The following SEMA4B variants were observed in gnomAD, a reference collection of about 807,000 sequenced individuals.
SEMA4B encodes semaphorin 4B, also known as semaphorin-4B.
A neutral mutation model predicts 88.1 loss-of-function variants in SEMA4B; 55 were observed. That is an observed-to-expected ratio of 0.62 (90% CI 0.50 to 0.78). SEMA4B has a LOEUF of 0.78. Ranked by LOEUF, SEMA4B falls within the 30% of genes least tolerant of loss-of-function variation. The probability of loss-of-function intolerance (pLI) is 0.00; values close to 1 mark genes in which losing one functional copy is unlikely to be tolerated. For synonymous variants in SEMA4B, 525 were observed against 473.6 expected, an observed-to-expected ratio of 1.11 and a Z score of -1.41; for missense variants, 1,062 against 1,111.9, an observed-to-expected ratio of 0.96 and a Z score of 0.64.
upstream of SEMA4B, among the ~76,000 whole-genome samples, chr15:90,196,635 T>C (rs1960517422): frequency 1.3e-5 from 2 of 151,996 alleles, no homozygotes; most frequent in Admixed American, 6.6e-5. Context: ...TACAGGTGCG[T>C]GCCACCACGC....
In SEMA4B at chr15:90,227,591, A is replaced by G; in HGVS notation, c.1723A>G (p.Lys575Glu). Residue 575 changes from lysine to glutamate, a missense_variant, in exon 13 of 14, where the codon AAG becomes GAG. Physicochemically the swap from Lys to Glu is moderately conservative, Grantham distance 56 (BLOSUM62 1). Coordinates refer to ENST00000411539, the MANE Select transcript of SEMA4B (RefSeq NM_198925.4). Reference protein sequence around the residue: ...WIQDIEGASAKDLCSASSVVS... With the variant: ...WIQDIEGASAEDLCSASSVVS... ...CCAGGACATCGAGGGAGCCAGCGCC[A>G]AGGACCTTTGCAGCGCGTCTTCGGT... is the stretch of plus-strand genomic sequence containing the variant. The G allele has an allele frequency of 6.2e-7, 1 of 1,613,998 alleles. No individual in the cohort carries two copies. The highest frequency in any genetic ancestry group is 1.3e-5 in the African/African-American group (1 of 75,042).
intron 1 of SEMA4B, among the ~76,000 whole-genome samples, chr15:90,190,114 C>T (rs1445756568): frequency 6.6e-6 from 1 of 152,206 alleles, no homozygotes; most frequent in Non-Finnish European, 1.5e-5. Context: ...TGGTGCCCAC[C>T]AGCCGGACCC....
chr15:90,199,825 CA>C (rs879807608), upstream of SEMA4B, among the ~76,000 whole-genome samples: 224 of 143,020 alleles, frequency 1.6e-3, 1 homozygote, highest in African/African-American at 4.1e-3. Flanking sequence ...GACTCTGTCT[CA>C]AAAAAAAAAA....
upstream of SEMA4B, among the ~76,000 whole-genome samples, chr15:90,196,358 CT>C (rs1649352294): frequency 6.6e-6 from 1 of 152,136 alleles, no homozygotes; most frequent in Admixed American, 6.6e-5. Context: ...TAAATGTTCC[CT>C]TTGGTAATTA....
At position 90,228,177 on chromosome 15, in the gene SEMA4B, CAG is replaced by C; in HGVS notation, c.2050_2051del (p.Asp684Ter). ...GTGGAGGACGGGGTGGCAGACCAAA[CAG>C]ATGAGGGTGGCAGTGTACCCGTCAT... is the stretch of plus-strand genomic sequence containing the variant. On this transcript the variant is annotated frameshift_variant, in exon 14 of 14. Coordinates refer to ENST00000411539, the MANE Select transcript of SEMA4B (RefSeq NM_198925.4). LOFTEE classifies it high-confidence loss of function. The C allele has an allele frequency of 6.2e-7, 1 of 1,610,392 alleles. No homozygotes were observed. Among genetic ancestry groups the C allele is most frequent in the Non-Finnish European group, 8.5e-7 (1 of 1,178,366 alleles).
intron 1 of SEMA4B, among the ~76,000 whole-genome samples, chr15:90,209,806 AG>A (rs1038853637): frequency 9.3e-4 from 129 of 138,768 alleles, no homozygotes; most frequent in African/African-American, 3.4e-3. Flanking sequence ...TTCTGGGTGG[AG>A]GGGACTTCCT....
chr15:90,228,320 C>T lies in SEMA4B; in HGVS notation c.2191C>T (p.Leu731Phe), dbSNP rs2151630727. The T allele has an allele frequency of 6.3e-7, 1 of 1,598,816 alleles. No individual in the cohort carries two copies. Among genetic ancestry groups the T allele is most frequent in the Non-Finnish European group, 8.5e-7 (1 of 1,171,988 alleles). The change falls in exon 14 of 14, where the codon CTC (leucine) becomes TTC (phenylalanine). Residue 731 changes from leucine to phenylalanine, a missense_variant. Coordinates refer to ENST00000411539, the MANE Select transcript of SEMA4B (RefSeq NM_198925.4). ...CACGCTCTTTGTGCTGGCCGTGCTG[C>T]TCCCAGTTTTATTCTTGCTCTACCG... ...MCTLFVLAVL[L>F]PVLFLLYRHR...
At chr15:90,224,038 C>G (rs760778743) in intron 9 of SEMA4B, 50 bp downstream of exon 9, 1 of 1,559,712 alleles carries the variant, frequency 6.4e-7, no homozygotes, top group Admixed American at 1.8e-5. Context: ...AGATGTGGGT[C>G]CCCACACCAT....
rs1182998867 is a variant in SEMA4B at position 90,201,549 on chromosome 15, C to T, written c.-30C>T. 1.4e-6 allele frequency: 2 copies of T among 1,430,360 alleles called. No homozygotes were observed. Among genetic ancestry groups the T allele is most frequent in the Admixed American group, 5.5e-5 (2 of 36,246 alleles). The allele number at this position is 1,430,360 out of a possible 1,614,324, so 88.6% of individuals were successfully genotyped here. ...TCCGGCCGAGCCACCTGAGCCCGAG[C>T]CGCGGGACACCGTCGCTCCTGCTCT... On this transcript the variant is annotated 5_prime_UTR_variant, in exon 1 of 14. Coordinates refer to ENST00000411539, the MANE Select transcript of SEMA4B (RefSeq NM_198925.4).
chr15:90,213,914 C>G lies in SEMA4B; in HGVS notation c.158-3525C>G, dbSNP rs114428826. On this transcript the variant is annotated intron_variant, in intron 1 of 13. Coordinates refer to ENST00000411539, the MANE Select transcript of SEMA4B (RefSeq NM_198925.4). The stretch of plus-strand genomic sequence containing the variant: ...TATGAGAAACTGCAGCTCATTGAGA[C>G]GATGTCTCTGCTGCCTGACAGAAGG... Among the ~76,000 whole-genome samples, 3 of 152,222 alleles carry G rather than the reference C, an allele frequency of 2.0e-5. No individual in the cohort carries two copies. The East Asian group carries it at 5.8e-4, about 29-fold the overall frequency.
At chr15:90,200,875 C>G (rs1160859840), upstream of SEMA4B, among the ~76,000 whole-genome samples, 2 of 152,224 alleles carry the variant, frequency 1.3e-5, no homozygotes, top group African/African-American at 4.8e-5. Context: ...ATTGGACTCT[C>G]AAGCTGCTAG....
At chr15:90,194,608 T>C (rs533177478) in intron 1 of SEMA4B, among the ~76,000 whole-genome samples, 53 of 152,334 alleles carry the variant, frequency 3.5e-4, no homozygotes, top group African/African-American at 1.2e-3. Context: ...TGGGCTCCGT[T>C]TGTGACTCTG....
At chr15:90,204,642 A>G (rs1008244323) in intron 1 of SEMA4B, among the ~76,000 whole-genome samples, 2 of 152,232 alleles carry the variant, frequency 1.3e-5, no homozygotes, top group Non-Finnish European at 2.9e-5. Context: ...GGTCAGGAGC[A>G]GGAGTGGTGC....
chr15:90,224,776 G>C (rs1257593050), intron 9 of SEMA4B, among the ~76,000 whole-genome samples, 192 bp from the exon 10 acceptor site: 1 of 152,168 alleles, frequency 6.6e-6, no homozygotes, highest in Non-Finnish European at 1.5e-5. Context: ...CAAGCACTCG[G>C]TTTCCCCGCA....
Position 90,214,584 on chromosome 15 carries a change from G to T in SEMA4B, c.158-2855G>T, listed in dbSNP as rs1053819988. Reference sequence around the variant, plus strand: ...GGAGGCGGAGGTTGCGGTGAGCCAAGATTGTGCTATTGCACTCCAGCCTGG... The same window carrying T: ...GGAGGCGGAGGTTGCGGTGAGCCAATATTGTGCTATTGCACTCCAGCCTGG... On this transcript the variant is annotated intron_variant, in intron 1 of 13. Transcript: ENST00000411539. 3.7e-4 allele frequency among the ~76,000 whole-genome samples: 48 copies of T among 129,646 alleles called. 1 individual carries two copies. The Admixed American group carries it at 4.3e-3, about 12-fold the overall frequency. 85.1% of individuals were successfully genotyped at this position (129,646 alleles called of 152,430 possible). A position where few individuals can be genotyped will look rare whatever the true frequency, so the allele number is the denominator to read the frequency against.
At chr15:90,216,863 A>G (rs1427445003) in intron 1 of SEMA4B, among the ~76,000 whole-genome samples, 6 of 152,186 alleles carry the variant, frequency 3.9e-5, no homozygotes, top group Non-Finnish European at 5.9e-5. Context: ...AGAAAAGCCC[A>G]TGCTCAACAT....
At chr15:90,198,028 G>A (rs1168230229), upstream of SEMA4B, among the ~76,000 whole-genome samples, 8 of 151,040 alleles carry the variant, frequency 5.3e-5, no homozygotes, top group Non-Finnish European at 8.8e-5. Context: ...CCGGGTTCGC[G>A]CCATTCTCCT....
intron 1 of SEMA4B, among the ~76,000 whole-genome samples, chr15:90,208,075 G>A (rs922466296): frequency 3.9e-5 from 6 of 152,114 alleles, no homozygotes; most frequent in African/African-American, 1.2e-4. Context: ...CCAACGTGGT[G>A]AAACCCCATC....
At chr15:90,215,609 C>T (rs574845108) in intron 1 of SEMA4B, among the ~76,000 whole-genome samples, 2 of 151,988 alleles carry the variant, frequency 1.3e-5, no homozygotes, top group East Asian at 1.9e-4. Context: ...GCCAGGAGTT[C>T]GAGACCAGCC....
Sources: gnomAD v4.1 joint callset for allele counts (sites outside exome capture counted in the v4.1 genomes callset) on GRCh38, gnomAD v4.1.1 for gene constraint, MANE v1.5 for transcripts, NCBI Gene and HGNC (gene_info 2026-07-23, HGNC 2026-07-21) for gene names.